Variants in TRMT11 observed in about 807,000 individuals in gnomAD.
The protein encoded by TRMT11 is tRNA (guanine(10)-N(2))-methyltransferase TRMT11.
In TRMT11, 53 loss-of-function variants were observed where a neutral mutation model predicts 62.8. The observed-to-expected ratio is 0.84, with a 90% CI of 0.68 to 1.06. The LOEUF is 1.06. Ranked by LOEUF, TRMT11 falls within the 50% of genes least tolerant of loss-of-function variation. The pLI is 0.00. For synonymous variants in TRMT11, 188 were observed against 190.3 expected (o/e 0.99, Z 0.10); for missense variants, 556 against 553.4 (o/e 1.00, Z -0.05).
At chr6:126,266,405 T>G in the TRMT11 span, among the ~76,000 whole-genome samples, 1 of 152,190 alleles carries the variant, frequency 6.6e-6, no homozygotes, top group Non-Finnish European at 1.5e-5. Context: ...AAGGCTTTAG[T>G]GTTCAACAGC....
At chr6:126,123,328 C>A (rs1186060951) in intron 21 of TRMT11, among the ~76,000 whole-genome samples, 2 of 152,004 alleles carry the variant, frequency 1.3e-5, no homozygotes, top group Non-Finnish European at 2.9e-5. Flanking sequence ...GAGTGTATGG[C>A]GATTTGTGCC....
At chr6:126,037,843 A>T (rs1295025817) in intron 12 of TRMT11, among the ~76,000 whole-genome samples, 1 of 152,058 alleles carries the variant, frequency 6.6e-6, no homozygotes, top group Admixed American at 6.6e-5. Context: ...TACCATTTTG[A>T]TACTGAAATC....
chr6:126,054,530 G>A (rs1195617812), intron 17 of TRMT11, among the ~76,000 whole-genome samples: 2 of 152,150 alleles, frequency 1.3e-5, no homozygotes, highest in Non-Finnish European at 2.9e-5. Context: ...GATTTTTATT[G>A]ATTTCGCTCT....
At chr6:126,225,940 C>T in the TRMT11 span, among the ~76,000 whole-genome samples, 23 of 148,004 alleles carry the variant, frequency 1.6e-4, no homozygotes, top group African/African-American at 5.0e-4. Flanking sequence ...TCCATCTGCC[C>T]GTCTGTCTCC....
chr6:125,996,966 A>G (rs1239387424), intron 3 of TRMT11, among the ~76,000 whole-genome samples: 1 of 152,240 alleles, frequency 6.6e-6, no homozygotes, highest in Non-Finnish European at 1.5e-5. Flanking sequence ...TGAAATAAAA[A>G]TGACTAGAAA....
At chr6:126,179,964 C>T (rs1013327583) in intron 1 of TRMT11, among the ~76,000 whole-genome samples, 2 of 151,908 alleles carry the variant, frequency 1.3e-5, no homozygotes, top group African/African-American at 2.4e-5. Context: ...CTCTGTCAAA[C>T]CAGTTTCTAT....
chr6:125,987,745 G>T (rs1178895347), intron 1 of TRMT11, among the ~76,000 whole-genome samples: 1 of 152,190 alleles, frequency 6.6e-6, no homozygotes, highest in Non-Finnish European at 1.5e-5. Context: ...CACCAGTCAG[G>T]TATGACTCCT....
intron 21 of TRMT11, among the ~76,000 whole-genome samples, chr6:126,140,791 GTC>G (rs1052724376): frequency 2.6e-5 from 4 of 151,928 alleles, no homozygotes; most frequent in Non-Finnish European, 4.4e-5. Context: ...AGTTTTTGTG[GTC>G]TCTCAGTGAA....
chr6:126,237,680 C>CATAA, the TRMT11 span, among the ~76,000 whole-genome samples: 266 of 151,932 alleles, frequency 1.8e-3, 1 homozygote, highest in African/African-American at 5.7e-3. Flanking sequence ...GACCGGGTCT[C>CATAA]ATAAATAAAT....
chr6:126,249,210 G>C, the TRMT11 span, among the ~76,000 whole-genome samples: 89 of 152,016 alleles, frequency 5.9e-4, no homozygotes, highest in African/African-American at 2.1e-3. Flanking sequence ...TTGTCAAGGA[G>C]AAAAATAATT....
Position 126,168,581 on chromosome 6 carries a change from C to T in TRMT11, c.*1824-6244C>T, listed in dbSNP as rs553515871. Reference sequence around the variant, plus strand: ...TCACCCAGGCTGGAGTGCAGTGGCGCGATCTTGGCTCACCGCAACCTCTGC... The same window carrying T: ...TCACCCAGGCTGGAGTGCAGTGGCGTGATCTTGGCTCACCGCAACCTCTGC... On this transcript the variant is annotated intron_variant and NMD_transcript_variant, in intron 21 of 22. Coordinates refer to the TRMT11 transcript ENST00000648977. Among the ~76,000 whole-genome samples, 903 of 152,246 alleles carry T rather than the reference C, an allele frequency of 5.9e-3. 5 individuals are homozygous for T. The highest frequency in any genetic ancestry group is 9.7e-3 in the Non-Finnish European group (661 of 68,024).
Position 126,100,871 on chromosome 6 carries a change from A to T in TRMT11, c.*1438-11995A>T, listed in dbSNP as rs180799604. ...GATCTCAGCTTGTTTTTCTGCAACT[A>T]GACAGGTCTCCTGTGGGGGTGATGT... On this transcript the variant is annotated intron_variant and NMD_transcript_variant, in intron 17 of 22. Coordinates refer to the TRMT11 transcript ENST00000648977. Among the ~76,000 whole-genome samples, 5 of 152,276 alleles carry T rather than the reference A, an allele frequency of 3.3e-5. No homozygotes were observed. The East Asian group carries it at 9.6e-4, about 29-fold the overall frequency.
In TRMT11 at chr6:125,998,074, T is replaced by C. The variant is rs1346458971; in HGVS notation, c.234T>C (p.Gly78=). ...CTAGGTCTATATTTGAACTATGGGG[T>C]CATGGACAATCTCCTGAGGAGCTGT... ...VCAKSIFELW[G]HGQSPEELYS... Residue 78 remains glycine (G), a synonymous_variant, in exon 4 of 13, where the codon GGT becomes GGC. Coordinates refer to ENST00000334379, the MANE Select transcript of TRMT11 (RefSeq NM_001031712.3). 3 of 1,612,702 alleles carry C rather than the reference T, an allele frequency of 1.9e-6. No individual in the cohort carries two copies. The East Asian group carries it at 6.7e-5, about 36-fold the overall frequency.
At chr6:126,046,524 C>T (rs1456680796) in intron 16 of TRMT11, among the ~76,000 whole-genome samples, 2 of 152,208 alleles carry the variant, frequency 1.3e-5, no homozygotes, top group Admixed American at 6.5e-5. Flanking sequence ...TTAACCTGAC[C>T]TCAGTGGCTT....
intron 17 of TRMT11, among the ~76,000 whole-genome samples, chr6:126,093,623 A>ATTTTTTTTT (rs1301464523): frequency 9.9e-6 from 1 of 101,180 alleles, no homozygotes; most frequent in African/African-American, 5.4e-5. Context: ...ATATATATAT[A>ATTTTTTTTT]TATATATATT....
At chr6:126,093,625 A>T (rs1255880021) in intron 17 of TRMT11, among the ~76,000 whole-genome samples, 13,360 of 103,464 alleles carry the variant, frequency 0.13, 2,801 homozygotes, top group African/African-American at 0.45. Context: ...ATATATATAT[A>T]TATATATTTT....
chr6:126,198,140 T>C (rs986409934), intron 1 of TRMT11, among the ~76,000 whole-genome samples: 1 of 152,150 alleles, frequency 6.6e-6, no homozygotes, highest in African/African-American at 2.4e-5. Context: ...CTGCCCTCTG[T>C]CAATTACTGC....
intron 21 of TRMT11, among the ~76,000 whole-genome samples, chr6:126,147,352 A>G (rs759049856): frequency 6.6e-5 from 10 of 152,144 alleles, no homozygotes; most frequent in Non-Finnish European, 1.2e-4. Flanking sequence ...ATGTCACTTT[A>G]AATCTCTAAG....
At chr6:126,202,442 C>G (rs892478121), downstream of TRMT11, among the ~76,000 whole-genome samples, 3 of 152,142 alleles carry the variant, frequency 2.0e-5, no homozygotes, top group African/African-American at 7.2e-5. Flanking sequence ...TTCTGACTAC[C>G]TATCTGCCTT....
Sources: allele counts gnomAD v4.1 joint callset (sites outside exome capture counted in the v4.1 genomes callset), GRCh38; gene constraint gnomAD v4.1.1; transcripts MANE v1.5; gene names NCBI Gene and HGNC (gene_info 2026-07-23, HGNC 2026-07-21).